The following GPR37 variants were observed in gnomAD, a reference collection of about 807,000 sequenced individuals.
GPR37 encodes the protein prosaposin receptor GPR37.
Under a neutral mutation model 43.6 loss-of-function variants are expected in GPR37, and 20 were observed. The ratio of observed to expected loss-of-function variants is 0.46; its 90% CI spans 0.32 to 0.67. The LOEUF is 0.67. GPR37 is among the 30% of genes least tolerant of loss of function. The pLI is 0.03. For synonymous variants in GPR37, 315 were observed against 322.6 expected, an observed-to-expected ratio of 0.98 and a Z score of 0.25; for missense variants, 724 against 797.2, an observed-to-expected ratio of 0.91 and a Z score of 1.11.
intron 1 of GPR37, among the ~76,000 whole-genome samples, chr7:124,756,669 T>A (rs1793794864): frequency 1.3e-5 from 2 of 152,184 alleles, no homozygotes; most frequent in Admixed American, 6.5e-5. Context: ...GCAGGTCAAT[T>A]CATGGGAAGT....
chr7:124,747,179 T>C lies in GPR37; in HGVS notation c.1188A>G (p.Pro396=), dbSNP rs1400293471. The part of the protein sequence containing the change: ...IWVGALLLAL[P]EVVLRQLSKE... ...TGCTCAGCTGGCGGAGAACAACTTC[T>C]GGAAGTGCTAACAATAGAGCTCCCA... is the stretch of plus-strand genomic sequence containing the variant. Residue 396 remains proline (P), a synonymous_variant, in exon 2 of 2, where the codon CCA becomes CCG. Coordinates refer to ENST00000303921, the MANE Select transcript of GPR37 (RefSeq NM_005302.5). 3 of 1,613,944 alleles carry C rather than the reference T, an allele frequency of 1.9e-6. No homozygotes were observed. The highest frequency in any genetic ancestry group is 1.7e-5 in the Admixed American group (1 of 60,002).
intron 1 of GPR37, among the ~76,000 whole-genome samples, chr7:124,753,152 T>C (rs919843417): frequency 5.9e-5 from 9 of 152,124 alleles, no homozygotes; most frequent in Admixed American, 5.2e-4. Flanking sequence ...CTTATAATGA[T>C]AATTTTAGGG....
intron 1 of GPR37, among the ~76,000 whole-genome samples, chr7:124,756,471 G>A (rs1038604385): frequency 2.0e-5 from 3 of 152,130 alleles, no homozygotes; most frequent in African/African-American, 7.2e-5. Flanking sequence ...GGAAGTTTAT[G>A]AAAAGTACCT....
chr7:124,752,290 T>C (rs374602243), intron 1 of GPR37, among the ~76,000 whole-genome samples: 22 of 152,274 alleles, frequency 1.4e-4, no homozygotes, highest in African/African-American at 4.6e-4. Context: ...TATGTGTGTG[T>C]GTCTTGTTTT....
intron 1 of GPR37, among the ~76,000 whole-genome samples, chr7:124,753,658 A>G (rs1390910086): frequency 6.6e-6 from 1 of 152,150 alleles, no homozygotes; most frequent in South Asian, 2.1e-4. Context: ...ACCAACAAAA[A>G]ACAGGTAGTT....
chr7:124,754,744 A>C (rs1467321513), intron 1 of GPR37, among the ~76,000 whole-genome samples: 1 of 152,128 alleles, frequency 6.6e-6, no homozygotes. Context: ...TGTTAAGAAA[A>C]CCCATTCATT....
In GPR37 at chr7:124,764,662, C is replaced by T; in HGVS notation, c.315G>A (p.Ser105=). 2 of 1,582,550 alleles carry T rather than the reference C, an allele frequency of 1.3e-6. No homozygotes were observed. Among genetic ancestry groups the T allele is most frequent in the Non-Finnish European group, 1.7e-6 (2 of 1,164,824 alleles). The change falls in exon 1 of 2, where the codon TCG becomes TCA. Residue 105 remains serine (S), a synonymous_variant. Coordinates refer to ENST00000303921, the MANE Select transcript of GPR37 (RefSeq NM_005302.5). This position sits in a 1 kb window ranked among gnomAD's most constrained non-coding sequence, Gnocchi z 5.4. ...TTGGAGGTCCCGGGGGTCCGGCTGC[C>T]GACGCCTCCGCCCCTCTGCCTGCAG... ...DPAAGRGAEA[S]AAGPPGPPTR... is the part of the protein sequence containing the mutation.
rs1382175411 is a variant in GPR37, at chr7:124,747,241, A to C, written c.1126T>G (p.Cys376Gly). The C allele has an allele frequency of 1.2e-6, 2 of 1,613,804 alleles. No homozygotes were observed. The highest frequency in any genetic ancestry group is 3.3e-5 in the Admixed American group (2 of 59,968). ...VQMYYEMIENCSSTTAKLAVI... is the reference protein window; with the variant it reads ...VQMYYEMIENGSSTTAKLAVI... Reference sequence around the variant, plus strand: ...GCAAGTTTGGCAGTTGTTGAGGAACAGTTTTCGATCATTTCGTAGTACATC... The same window carrying C: ...GCAAGTTTGGCAGTTGTTGAGGAACCGTTTTCGATCATTTCGTAGTACATC... The change falls in exon 2 of 2, where the codon TGT becomes GGT. Residue 376 changes from cysteine to glycine, a missense_variant. By Grantham distance (159) the Cys-to-Gly change is radical. This residue lies in a region of GPR37 where 342 missense variants were observed against 441.8 expected (regional missense o/e 0.77). Coordinates refer to ENST00000303921, the MANE Select transcript of GPR37 (RefSeq NM_005302.5).
chr7:124,764,929 A>G lies in GPR37; in HGVS notation c.48T>C (p.Leu16=), dbSNP rs62638681. The G allele has an allele frequency of 0.036, 55,088 of 1,551,154 alleles. 1,170 individuals are homozygous for G. Among genetic ancestry groups the G allele is most frequent in the Non-Finnish European group, 0.039 (44,828 of 1,151,238 alleles). Reference sequence around the variant, plus strand: ...AGGCAGACACCTTGAGCAGTAGCAGAAGCAGTAGCCGCGACATGCGGGCGA... The same window carrying G: ...AGGCAGACACCTTGAGCAGTAGCAGGAGCAGTAGCCGCGACATGCGGGCGA... ...ALLARMSRLL[L]LLLLKVSASS... Residue 16 remains leucine, a synonymous_variant, in exon 1 of 2, where the codon CTT becomes CTC. Transcript: ENST00000303921. This position sits in a 1 kb window ranked among gnomAD's most constrained non-coding sequence, Gnocchi z 5.4.
chr7:124,748,499 T>C lies in GPR37; in HGVS notation c.1024-1156A>G, dbSNP rs532599648. Among the ~76,000 whole-genome samples the C allele has an allele frequency of 3.3e-5, 5 of 151,970 alleles. No homozygotes were observed. In the South Asian group the frequency reaches 8.3e-4, roughly 25 times the overall value. ...GGACATGGGTTCACAAAATCAAAAG[T>C]CACAATATGCAAGAGACAATGAGCC... is the stretch of plus-strand genomic sequence containing the variant. On this transcript the variant is annotated intron_variant, in intron 1 of 1. Transcript: ENST00000303921.
chr7:124,747,134 A>C lies in GPR37; in HGVS notation c.1233T>G (p.Ser411Arg). 3.1e-6 allele frequency: 5 copies of C among 1,614,022 alleles called. No homozygotes were observed. The highest frequency in any genetic ancestry group is 4.2e-6 in the Non-Finnish European group (5 of 1,179,934). The change falls in exon 2 of 2, where the codon AGT becomes AGG. Residue 411 changes from serine (S) to arginine (R), a missense_variant. Transcript: ENST00000303921. ...RQLSKEDLGF[S>R]GRAPAERCII... ...TGCACCTTTCTGCCGGAGCTCGGCC[A>C]CTAAACCCCAAATCCTCCTTGCTCA...
chr7:124,755,007 C>T (rs980738246), intron 1 of GPR37, among the ~76,000 whole-genome samples: 2 of 141,130 alleles, frequency 1.4e-5, no homozygotes, highest in African/African-American at 5.0e-5. Context: ...ATAAGATGAC[C>T]TTTTGCAAAA....
Position 124,744,947 on chromosome 7 carries a change from T to TTA in GPR37, c.*1577_*1578insTA, listed in dbSNP as rs1178606218. On this transcript the variant is annotated 3_prime_UTR_variant, in exon 2 of 2. Transcript: ENST00000303921. ...CTTGAGAAATTTTCCAAAGACCTATTACAGGGATCTACAAGAAGACAAGGG... is the reference window on the plus strand; with the variant it reads ...CTTGAGAAATTTTCCAAAGACCTATTTAACAGGGATCTACAAGAAGACAAGGG... The TTA allele has an allele frequency of 6.6e-6, 1 of 152,044 alleles. No individual in the cohort carries two copies. Among genetic ancestry groups the TTA allele is most frequent in the East Asian group, 1.9e-4 (1 of 5,166 alleles). The allele number at this position is 152,044 out of a possible 1,614,324, so 9.4% of individuals were successfully genotyped here. A position where few individuals can be genotyped will look rare whatever the true frequency, so the allele number is the denominator to read the frequency against.
In GPR37 at chr7:124,745,169, C is replaced by G. The variant is rs953945929; in HGVS notation, c.*1356G>C. 6.6e-6 allele frequency among the ~76,000 whole-genome samples: 1 copy of G among 152,096 alleles called. No homozygotes were observed. Among genetic ancestry groups the G allele is most frequent in the Non-Finnish European group, 1.5e-5 (1 of 68,020 alleles). ...AAAAGGAATACTGACTTACTTATGC[C>G]GAGTAGAACAGAAATCAACAAGCAG... On this transcript the variant is annotated 3_prime_UTR_variant, in exon 2 of 2. Transcript: ENST00000303921.
At position 124,764,770 on chromosome 7, in the gene GPR37, G is replaced by A; in HGVS notation, c.207C>T (p.Ala69=). Residue 69 remains alanine (A), a synonymous_variant, in exon 1 of 2, where the codon GCC becomes GCT. Coordinates refer to ENST00000303921, the MANE Select transcript of GPR37 (RefSeq NM_005302.5). This position sits in a 1 kb window ranked among gnomAD's most constrained non-coding sequence, Gnocchi z 5.4. ...CCCCCTGCTCCTCCCTGGGTGCTCGGGCTCGCAGAACGTCTCTTGCAGAAT... is the reference window on the plus strand; with the variant it reads ...CCCCCTGCTCCTCCCTGGGTGCTCGAGCTCGCAGAACGTCTCTTGCAGAAT... ...PGNSARDVLR[A]RAPREEQGAA... 1 of 1,612,950 alleles carries A rather than the reference G, an allele frequency of 6.2e-7. No individual in the cohort carries two copies. The highest frequency in any genetic ancestry group is 8.5e-7 in the Non-Finnish European group (1 of 1,179,966).
chr7:124,748,801 A>G (rs1164863892), intron 1 of GPR37, among the ~76,000 whole-genome samples: 2 of 152,152 alleles, frequency 1.3e-5, no homozygotes, highest in South Asian at 2.1e-4. Flanking sequence ...TAAAAAAATC[A>G]ACATTTAAAG....
At chr7:124,754,719 A>G (rs541642450) in intron 1 of GPR37, among the ~76,000 whole-genome samples, 5 of 152,166 alleles carry the variant, frequency 3.3e-5, no homozygotes, top group Non-Finnish European at 7.4e-5. Flanking sequence ...GTAACCCTCA[A>G]AACAAGGGCA....
chr7:124,761,828 G>C (rs1389266931), intron 1 of GPR37, among the ~76,000 whole-genome samples: 1 of 152,032 alleles, frequency 6.6e-6, no homozygotes, highest in Admixed American at 6.5e-5. Flanking sequence ...AGAGTAATAA[G>C]GATTAGGTAG....
chr7:124,765,630 G>T lies in GPR37; in HGVS notation c.-654C>A, dbSNP rs895997949. 2.6e-5 allele frequency: 4 copies of T among 152,272 alleles called. No individual in the cohort carries two copies. Among genetic ancestry groups the T allele is most frequent in the African/African-American group, 9.6e-5 (4 of 41,474 alleles). 9.4% of individuals were successfully genotyped at this position (152,272 alleles called of 1,614,324 possible). On this transcript the variant is annotated 5_prime_UTR_variant, in exon 1 of 2. Transcript: ENST00000303921. ...AGGAGAAGCGGGATTCCAACCCCGC[G>T]GCCACTGCCAAAGTTGCTTCTCCTC... is the stretch of plus-strand genomic sequence containing the variant.
Sources: gnomAD v4.1 joint callset for allele counts (sites outside exome capture counted in the v4.1 genomes callset) on GRCh38, gnomAD v4.1.1 for gene constraint, gnomAD v4.1.1 regional missense constraint, Gnocchi (gnomAD v3.1) non-coding constraint, MANE v1.5 for transcripts, NCBI Gene and HGNC (gene_info 2026-07-23, HGNC 2026-07-21) for gene names.